Variants in DESI2 observed in about 807,000 individuals in gnomAD.
DESI2 encodes the protein desumoylating isopeptidase 2.
Under a neutral mutation model 24.1 loss-of-function variants are expected in DESI2, and 10 were observed. The ratio of observed to expected loss-of-function variants is 0.41; its 90% CI spans 0.26 to 0.70. The LOEUF is 0.70. DESI2 is among the 30% of genes least tolerant of loss of function. The pLI is 0.29. For missense variants in DESI2, 122 were observed against 234.9 expected (o/e 0.52, Z 3.14); for synonymous variants, 71 against 87.7 (o/e 0.81, Z 1.06).
chr1:244,663,534 C>T (rs1015870218), intron 1 of DESI2, among the ~76,000 whole-genome samples: 20 of 256 alleles, frequency 0.078, no homozygotes, highest in South Asian at 0.25. Flanking sequence ...AAAAGTTACA[C>T]GGGAACAAAA....
rs1053235378 is a variant in DESI2, at chr1:244,689,442, T to G, written c.209+100T>G. The G allele has an allele frequency of 6.5e-6, 4 of 611,808 alleles. No homozygotes were observed. The highest frequency in any genetic ancestry group is 1.2e-5 in the Non-Finnish European group (4 of 340,808). 37.9% of individuals were successfully genotyped at this position (611,808 alleles called of 1,614,324 possible). ...TGTAAATCAAAACAAACCCAAGAAG[T>G]TAAAAATGTCTCTTTGTTTTAATTG... On this transcript the variant is annotated intron_variant, in intron 3 of 4. Transcript: ENST00000302550. The surrounding 1 kb of genome is among the most constrained non-coding windows in gnomAD (Gnocchi z 4.0).
chr1:244,704,949 C>T (rs781495696), intron 4 of DESI2, among the ~76,000 whole-genome samples: 3 of 152,146 alleles, frequency 2.0e-5, no homozygotes, highest in Non-Finnish European at 4.4e-5. Flanking sequence ...TGAGCCACCG[C>T]GCCTGGCCCA....
At chr1:244,664,544 A>G (rs1675976888) in intron 1 of DESI2, among the ~76,000 whole-genome samples, 1 of 152,220 alleles carries the variant, frequency 6.6e-6, no homozygotes, top group Non-Finnish European at 1.5e-5. Context: ...TATCTCTACA[A>G]AAAATAAATA....
At chr1:244,680,068 A>G (rs1485575309) in intron 1 of DESI2, among the ~76,000 whole-genome samples, 3 of 136,428 alleles carry the variant, frequency 2.2e-5, no homozygotes, top group African/African-American at 8.2e-5. Context: ...GTCGAGGTTC[A>G]TTCACTTCCT....
At chr1:244,670,849 A>G (rs1676220491) in intron 1 of DESI2, among the ~76,000 whole-genome samples, 1 of 152,248 alleles carries the variant, frequency 6.6e-6, no homozygotes, top group African/African-American at 2.4e-5. Flanking sequence ...CCTTCACTAC[A>G]GTCCAAATGC....
At chr1:244,693,722 C>T (rs566725557) in intron 4 of DESI2, among the ~76,000 whole-genome samples, 2 of 152,312 alleles carry the variant, frequency 1.3e-5, no homozygotes, top group East Asian at 1.9e-4. Context: ...TGAGCCACGG[C>T]GCCCAGCCTA....
At chr1:244,677,242 G>C (rs756235217) in intron 1 of DESI2, among the ~76,000 whole-genome samples, 3 of 152,134 alleles carry the variant, frequency 2.0e-5, no homozygotes, top group Non-Finnish European at 4.4e-5. Context: ...TTTCTCATTA[G>C]AGGTTATTTA....
intron 1 of DESI2, among the ~76,000 whole-genome samples, chr1:244,659,220 T>G (rs1675754417): frequency 6.6e-6 from 1 of 152,164 alleles, no homozygotes; most frequent in African/African-American, 2.4e-5. Context: ...AGCTAGTATG[T>G]ATGAGAAAAG....
chr1:244,680,117 C>G (rs1478093721), intron 1 of DESI2, among the ~76,000 whole-genome samples: 2 of 149,742 alleles, frequency 1.3e-5, no homozygotes, highest in African/African-American at 4.9e-5. Context: ...CCTCTGCCTT[C>G]TTTTGACTTT....
At chr1:244,687,270 TA>T (rs1384029247) in intron 2 of DESI2, among the ~76,000 whole-genome samples, 1 of 152,236 alleles carries the variant, frequency 6.6e-6, no homozygotes, top group Non-Finnish European at 1.5e-5. Flanking sequence ...TTTATTAGGA[TA>T]AACATGTCAG....
chr1:244,708,401 C>T lies in DESI2; in HGVS notation c.*2612C>T, dbSNP rs942795917. On this transcript the variant is annotated 3_prime_UTR_variant, in exon 5 of 5. Transcript: ENST00000302550. ...AGGCAGTGGTGTATGATCTTAGCCT[C>T]GTCCTGATGCCTGAATCCAGCCAGC... 6.6e-6 allele frequency: 1 copy of T among 152,506 alleles called. No individual in the cohort carries two copies. Among genetic ancestry groups the T allele is most frequent in the Admixed American group, 6.6e-5 (1 of 15,264 alleles). 9.4% of individuals were successfully genotyped at this position (152,506 alleles called of 1,614,324 possible).
chr1:244,694,113 G>A (rs1210505412), intron 4 of DESI2, among the ~76,000 whole-genome samples: 1 of 152,168 alleles, frequency 6.6e-6, no homozygotes, highest in African/African-American at 2.4e-5. Flanking sequence ...GTTGATATAT[G>A]TACTTTTCTG....
At chr1:244,653,473 C>G (rs911122100) in intron 1 of DESI2, 118 bp downstream of exon 1, 3 of 1,085,930 alleles carry the variant, frequency 2.8e-6, no homozygotes, top group Middle Eastern at 2.4e-4. Flanking sequence ...CAGCCTAGTT[C>G]TCGGGGGAAG....
Position 244,653,434 on chromosome 1 carries a change from A to G in DESI2, c.42+79A>G, listed in dbSNP as rs1675531758. On this transcript the variant is annotated intron_variant, in intron 1 of 4. Coordinates refer to ENST00000302550, the MANE Select transcript of DESI2 (RefSeq NM_016076.5). ...CCCGTGGGGCTCGGACCCCGGCCCC[A>G]GGCGCTTCCTGCCTGGCGTCTCCGC... 5 of 1,441,364 alleles carry G rather than the reference A, an allele frequency of 3.5e-6. No individual in the cohort carries two copies. The Admixed American group carries it at 8.3e-5, about 24-fold the overall frequency. 89.3% of individuals were successfully genotyped at this position (1,441,364 alleles called of 1,614,324 possible). A position where few individuals can be genotyped will look rare whatever the true frequency, so the allele number is the denominator to read the frequency against.
chr1:244,683,508 T>C (rs1676699627), intron 1 of DESI2, among the ~76,000 whole-genome samples: 1 of 152,084 alleles, frequency 6.6e-6, no homozygotes, highest in South Asian at 2.1e-4. Context: ...AGACAGGGTT[T>C]CACCATGTTA....
intron 1 of DESI2, among the ~76,000 whole-genome samples, chr1:244,684,378 C>T (rs959994195): frequency 4.6e-5 from 7 of 152,272 alleles, no homozygotes; most frequent in African/African-American, 1.7e-4. Flanking sequence ...GTACTCCTCT[C>T]GGCCAAATTG....
intron 1 of DESI2, among the ~76,000 whole-genome samples, chr1:244,676,631 T>C (rs185956285): frequency 2.7e-3 from 406 of 151,930 alleles, no homozygotes; most frequent in Non-Finnish European, 4.3e-3. Flanking sequence ...TATCTTATTT[T>C]TTATTTTAAA....
chr1:244,700,940 GT>G (rs1447710432), intron 4 of DESI2, among the ~76,000 whole-genome samples: 1 of 152,204 alleles, frequency 6.6e-6, no homozygotes, highest in East Asian at 1.9e-4. Flanking sequence ...GTGTTTTACA[GT>G]TAATTGGAAT....
At chr1:244,680,379 G>A (rs1438500239) in intron 1 of DESI2, among the ~76,000 whole-genome samples, 3 of 151,442 alleles carry the variant, frequency 2.0e-5, no homozygotes, top group Non-Finnish European at 2.9e-5. Flanking sequence ...GCAGTGAACC[G>A]AGATCAGGCC....
Sources: gnomAD v4.1 joint callset for allele counts (sites outside exome capture counted in the v4.1 genomes callset) on GRCh38, gnomAD v4.1.1 for gene constraint, Gnocchi (gnomAD v3.1) non-coding constraint, MANE v1.5 for transcripts, NCBI Gene and HGNC (gene_info 2026-07-23, HGNC 2026-07-21) for gene names.